The following C10orf90 variants were observed in gnomAD, a reference collection of about 807,000 sequenced individuals.
The protein encoded by C10orf90 is (E2-independent) E3 ubiquitin-conjugating enzyme FATS.
A neutral mutation model predicts 62.5 loss-of-function variants in C10orf90; 56 were observed. The observed-to-expected ratio is 0.90, with a 90% CI of 0.72 to 1.12. The LOEUF is 1.12. Among genes scored for constraint, C10orf90 ranks in the 50% most tolerant of loss-of-function variants. The pLI, the probability that C10orf90 is intolerant of heterozygous loss-of-function variation, is 0.00. For missense variants in C10orf90, 970 were observed against 880.4 expected (o/e 1.10, Z -1.29); for synonymous variants, 386 against 340.4 (o/e 1.13, Z -1.47).
chr10:126,584,648 T>C (rs914590231), intron 2 of C10orf90, among the ~76,000 whole-genome samples: 2 of 152,166 alleles, frequency 1.3e-5, no homozygotes, highest in African/African-American at 4.8e-5. Flanking sequence ...CCCCTGTCCC[T>C]GTGCTAACAG....
chr10:126,496,059 T>G (rs1425086482), intron 4 of C10orf90, among the ~76,000 whole-genome samples: 1 of 152,204 alleles, frequency 6.6e-6, no homozygotes, highest in Non-Finnish European at 1.5e-5. Context: ...TGTTACCCAC[T>G]GTTACTCATG....
intron 2 of C10orf90, among the ~76,000 whole-genome samples, chr10:126,630,849 G>T (rs1845837426): frequency 6.6e-6 from 1 of 152,168 alleles, no homozygotes; most frequent in African/African-American, 2.4e-5. Context: ...CTCCAGCCAA[G>T]CCTGGGGCTC....
Position 126,513,851 on chromosome 10 carries a change from G to C in C10orf90, c.402C>G (p.Thr134=). 6.3e-7 allele frequency: 1 copy of C among 1,594,660 alleles called. No individual in the cohort carries two copies. Among genetic ancestry groups the C allele is most frequent in the Non-Finnish European group, 8.6e-7 (1 of 1,162,764 alleles). ...AGAAGTTAGAAATGTATGTTACCTT[G>C]GTGAAGTCAGATTTTGCCTCTGTGA... ...SDVTEAKSDF[T]KETLASQNTK... The change falls in exon 3 of 10, where the codon ACC becomes ACG. Residue 134 remains threonine (T), a synonymous_variant. Coordinates refer to ENST00000488181, the MANE Select transcript of C10orf90 (RefSeq NM_001350921.2).
intron 2 of C10orf90, among the ~76,000 whole-genome samples, chr10:126,580,056 C>G (rs1427919327): frequency 2.0e-5 from 3 of 152,160 alleles, no homozygotes; most frequent in Admixed American, 1.3e-4. Flanking sequence ...CTCTCCTGGG[C>G]CATAGTGCAT....
chr10:126,540,841 T>TA (rs1864359326), intron 2 of C10orf90, among the ~76,000 whole-genome samples: 1 of 152,176 alleles, frequency 6.6e-6, no homozygotes, highest in Non-Finnish European at 1.5e-5. Flanking sequence ...GACATCCATG[T>TA]ATATTTGGGA....
intron 2 of C10orf90, among the ~76,000 whole-genome samples, chr10:126,550,104 C>T (rs7091670): frequency 0.41 from 62,889 of 151,582 alleles, 13,081 homozygotes; most frequent in Non-Finnish European, 0.43. Context: ...TACAGGCACC[C>T]GCCACCACGC....
chr10:126,510,107 G>A (rs895651210), intron 3 of C10orf90, among the ~76,000 whole-genome samples: 12 of 152,062 alleles, frequency 7.9e-5, no homozygotes, highest in Non-Finnish European at 1.2e-4. Context: ...ATTGGATTAG[G>A]ACCCACCCTA....
chr10:126,487,165 A>G lies in C10orf90; in HGVS notation c.1534+16792T>C, dbSNP rs1383154355. On this transcript the variant is annotated intron_variant, in intron 4 of 9. Coordinates refer to ENST00000488181, the MANE Select transcript of C10orf90 (RefSeq NM_001350921.2). ...GTCAAAAAAAAAAAAAAAAAAAAAA[A>G]AAAGAAAGAAAGAACAAAAGAACGA... is the stretch of plus-strand genomic sequence containing the variant. Among the ~76,000 whole-genome samples the G allele has an allele frequency of 3.6e-4, 52 of 143,906 alleles. No individual in the cohort carries two copies. The South Asian group carries it at 4.2e-3, about 12-fold the overall frequency. The allele number at this position is 143,906 out of a possible 152,430, so 94.4% of individuals were successfully genotyped here. A position where few individuals can be genotyped will look rare whatever the true frequency, so the allele number is the denominator to read the frequency against.
At chr10:126,581,255 G>A (rs1391271618) in intron 2 of C10orf90, among the ~76,000 whole-genome samples, 5 of 152,204 alleles carry the variant, frequency 3.3e-5, no homozygotes, top group African/African-American at 1.2e-4. Flanking sequence ...CAAAGGAATT[G>A]GAAGGAAAAG....
At chr10:126,565,426 T>TATATAATA (rs1554917374) in intron 2 of C10orf90, among the ~76,000 whole-genome samples, 1 of 57,210 alleles carries the variant, frequency 1.7e-5, no homozygotes, top group Non-Finnish European at 3.1e-5. Context: ...TTATATATAT[T>TATATAATA]ATATATATTA....
intron 2 of C10orf90, among the ~76,000 whole-genome samples, chr10:126,602,446 C>G (rs1386680393): frequency 6.6e-6 from 1 of 152,130 alleles, no homozygotes; most frequent in Non-Finnish European, 1.5e-5. Flanking sequence ...CCAAGATGAC[C>G]TAGGTGTGAA....
At chr10:126,445,330 C>A (rs1013047608) in intron 7 of C10orf90, among the ~76,000 whole-genome samples, 1 of 151,988 alleles carries the variant, frequency 6.6e-6, no homozygotes, top group Non-Finnish European at 1.5e-5. Flanking sequence ...AAAAAACAAA[C>A]AATCCCATCA....
intron 2 of C10orf90, among the ~76,000 whole-genome samples, chr10:126,645,453 G>T (rs1339494844): frequency 6.6e-6 from 1 of 151,332 alleles, no homozygotes; most frequent in Non-Finnish European, 1.5e-5. Context: ...AGCTAGGGAT[G>T]GTGGTGCGTG....
chr10:126,465,086 G>T, intron 4 of C10orf90, 100 bp from the exon 5 acceptor site: 9 of 1,277,614 alleles, frequency 7.0e-6, no homozygotes, highest in African/African-American at 1.5e-5. Context: ...CAGACTTGGG[G>T]GGGAGTACAG....
intron 2 of C10orf90, among the ~76,000 whole-genome samples, chr10:126,533,101 G>GC (rs1274264541): frequency 1.3e-5 from 2 of 151,006 alleles, no homozygotes; most frequent in African/African-American, 2.4e-5. Context: ...CCCGGCTAAT[G>GC]TTTTTTGTAT....
chr10:126,459,462 C>A (rs538276909), intron 6 of C10orf90, among the ~76,000 whole-genome samples: 1 of 152,234 alleles, frequency 6.6e-6, no homozygotes, highest in Non-Finnish European at 1.5e-5. Context: ...CAGGATTGAC[C>A]GGCAACTGGC....
chr10:126,547,216 G>A (rs370231032), intron 2 of C10orf90, among the ~76,000 whole-genome samples: 3 of 151,946 alleles, frequency 2.0e-5, no homozygotes, highest in Non-Finnish European at 4.4e-5. Context: ...TCAGGAGATC[G>A]AGACCATCCT....
At chr10:126,511,219 C>T (rs2133909927) in intron 3 of C10orf90, among the ~76,000 whole-genome samples, 1 of 152,268 alleles carries the variant, frequency 6.6e-6, no homozygotes, top group East Asian at 1.9e-4. Context: ...AGTTTGAAGA[C>T]AAATGGAAAA....
chr10:126,519,987 C>T (rs904845303), intron 2 of C10orf90: 1 of 152,300 alleles, frequency 6.6e-6, no homozygotes, highest in African/African-American at 2.4e-5. Context: ...GTTCTCTGTC[C>T]TTTCTTCCTC....
Sources: gnomAD v4.1 joint callset for allele counts (sites outside exome capture counted in the v4.1 genomes callset) on GRCh38, gnomAD v4.1.1 for gene constraint, MANE v1.5 for transcripts, NCBI Gene and HGNC (gene_info 2026-07-23, HGNC 2026-07-21) for gene names.